RTKN2: variants seen among roughly 807,000 people sequenced by gnomAD.
The protein encoded by RTKN2 is rhotekin-2.
Under a neutral mutation model 71.5 loss-of-function variants are expected in RTKN2, and 69 were observed. The observed-to-expected ratio is 0.96, with a 90% CI of 0.79 to 1.18. The LOEUF is 1.18. Ranked by LOEUF, RTKN2 falls within the 50% of genes most tolerant of loss-of-function variation. RTKN2 has a pLI of 0.00. For missense variants in RTKN2, 724 were observed against 719.7 expected (o/e 1.01, Z -0.07); for synonymous variants, 236 against 236.5 (o/e 1.00, Z 0.02).
chr10:62,184,562 T>C (rs1841104955), intron 8 of RTKN2, among the ~76,000 whole-genome samples: 1 of 152,098 alleles, frequency 6.6e-6, no homozygotes, highest in Non-Finnish European at 1.5e-5. Context: ...TTACAAGAAA[T>C]GGGCTGAAAA....
intron 9 of RTKN2, among the ~76,000 whole-genome samples, chr10:62,210,104 T>TA (rs758224804): frequency 8.5e-5 from 13 of 152,176 alleles, no homozygotes; most frequent in Non-Finnish European, 1.8e-4. Flanking sequence ...TTCCTTTTTC[T>TA]AAAGAGACTT....
Position 62,245,997 on chromosome 10 carries a change from A to T in RTKN2, c.316+2T>A. 1.3e-6 allele frequency: 2 copies of T among 1,564,990 alleles called. No homozygotes were observed. Among genetic ancestry groups the T allele is most frequent in the Non-Finnish European group, 1.7e-6 (2 of 1,145,308 alleles). On this transcript the variant is annotated splice_donor_variant, in intron 3 of 11. Coordinates refer to ENST00000373789, the MANE Select transcript of RTKN2 (RefSeq NM_145307.4). LOFTEE classifies it high-confidence loss of function. The stretch of plus-strand genomic sequence containing the variant: ...AATATAAAAGATTCATTTATAGCAT[A>T]CCTGATATGGCAATCTTTCCTTTAC...
In RTKN2 at chr10:62,236,151, T is replaced by C. The variant is rs763299467; in HGVS notation, c.601A>G (p.Ile201Val). Reference sequence around the variant, plus strand: ...ATTTTCTTTCCTGTAGCTTTACTTATAGATGTCTTGAGTTTCTTAGCTAGC... The same window carrying C: ...ATTTTCTTTCCTGTAGCTTTACTTACAGATGTCTTGAGTTTCTTAGCTAGC... ...KKLAKKLKTS[I>V]SKATGKKISS... Residue 201 changes from isoleucine to valine, a missense_variant, in exon 6 of 12, where the codon ATA becomes GTA. By Grantham distance (29) the Ile-to-Val change is conservative. Transcript: ENST00000373789. 3.7e-6 allele frequency: 6 copies of C among 1,612,286 alleles called. No individual in the cohort carries two copies. The highest frequency in any genetic ancestry group is 1.3e-5 in the African/African-American group (1 of 74,868).
Sources: allele counts gnomAD v4.1 joint callset (sites outside exome capture counted in the v4.1 genomes callset), GRCh38; gene constraint gnomAD v4.1.1; transcripts MANE v1.5; gene names NCBI Gene and HGNC (gene_info 2026-07-23, HGNC 2026-07-21).